The following SMAD3 variants were observed in gnomAD, a reference collection of about 807,000 sequenced individuals.
SMAD3 encodes the protein SMAD family member 3, also known as MAD homolog 3.
SMAD3 carries 12 observed loss-of-function variants against 51.8 expected under a neutral mutation model. The ratio of observed to expected loss-of-function variants is 0.23; its 90% CI spans 0.15 to 0.38. The LOEUF is 0.38. Ranked by LOEUF, SMAD3 falls within the 10% of genes least tolerant of loss-of-function variation. SMAD3 has a pLI of 1.00. For synonymous variants in SMAD3, 238 were observed against 227.7 expected (o/e 1.05, Z -0.41); for missense variants, 294 against 565.6 (o/e 0.52, Z 4.87).
intron 5 of SMAD3, among the ~76,000 whole-genome samples, chr15:67,180,512 G>C (rs1057108858): frequency 2.7e-5 from 4 of 149,120 alleles, no homozygotes; most frequent in African/African-American, 9.9e-5. Context: ...CTTTCAGAAG[G>C]GTTTGTGTCC....
chr15:67,166,459 C>T (rs781680799), intron 3 of SMAD3: 37 of 477,378 alleles, frequency 7.8e-5, no homozygotes, highest in Middle Eastern at 6.1e-4. Flanking sequence ...TGGACGCCTC[C>T]CTGGAGGGGG....
intron 5 of SMAD3, among the ~76,000 whole-genome samples, chr15:67,178,138 G>C (rs1208956950): frequency 2.6e-4 from 39 of 152,196 alleles, no homozygotes; most frequent in Admixed American, 2.4e-3. Context: ...GGGCTGTTTG[G>C]ATAAGGGCTC....
intron 6 of SMAD3, among the ~76,000 whole-genome samples, chr15:67,183,192 GCCA>G (rs1248923023): frequency 2.7e-5 from 4 of 150,746 alleles, no homozygotes; most frequent in African/African-American, 9.8e-5. Flanking sequence ...ACAGGCATGT[GCCA>G]CCACACCTGG....
At chr15:67,133,214 A>G (rs557565107) in intron 1 of SMAD3, among the ~76,000 whole-genome samples, 55 of 152,254 alleles carry the variant, frequency 3.6e-4, no homozygotes, top group African/African-American at 1.2e-3. Flanking sequence ...GGTGAACTCA[A>G]TGACATTGGC....
chr15:67,169,347 T>C (rs1962679902), intron 4 of SMAD3, among the ~76,000 whole-genome samples: 3 of 152,018 alleles, frequency 2.0e-5, no homozygotes, highest in Non-Finnish European at 2.9e-5. Flanking sequence ...AGGTTACAGC[T>C]GAGTTGGGGC....
chr15:67,130,689 A>G (rs981041127), intron 1 of SMAD3, among the ~76,000 whole-genome samples: 10 of 152,348 alleles, frequency 6.6e-5, no homozygotes, highest in Admixed American at 4.6e-4. Context: ...GTATTCAAGG[A>G]AAGTGCCAGG....
intron 1 of SMAD3, among the ~76,000 whole-genome samples, chr15:67,095,019 A>G (rs1434842948): frequency 6.6e-6 from 1 of 152,170 alleles, no homozygotes; most frequent in Non-Finnish European, 1.5e-5. Context: ...CCTGTCTGTT[A>G]GGGTTGTAAG....
chr15:67,145,447 A>G (rs1961950360), intron 1 of SMAD3, among the ~76,000 whole-genome samples: 1 of 152,218 alleles, frequency 6.6e-6, no homozygotes, highest in Non-Finnish European at 1.5e-5. Flanking sequence ...ACAAAAACAA[A>G]AAACAGAAAA....
chr15:67,142,759 C>T (rs1308416285), intron 1 of SMAD3: 1 of 408,098 alleles, frequency 2.5e-6, no homozygotes, highest in African/African-American at 2.1e-5. Context: ...ATATATTGAT[C>T]TCAACATTTC....
At chr15:67,074,624 C>G (rs1016440145) in intron 1 of SMAD3, among the ~76,000 whole-genome samples, 12 of 152,218 alleles carry the variant, frequency 7.9e-5, no homozygotes, top group African/African-American at 2.9e-4. Flanking sequence ...CTCTTGAGTG[C>G]TTTGCCGGTA....
rs1323679769 is a variant in SMAD3 at position 67,184,779 on chromosome 15, C to T, written c.924C>T (p.Leu308=). ...YIGGEVFAEC[L]SDSAIFVQSP... Reference sequence around the variant, plus strand: ...GAGGGGAGGTCTTCGCAGAGTGCCTCAGTGACAGCGCTATTTTTGTCCAGT... The same window carrying T: ...GAGGGGAGGTCTTCGCAGAGTGCCTTAGTGACAGCGCTATTTTTGTCCAGT... The change falls in exon 7 of 9, where the codon CTC becomes CTT. Residue 308 remains leucine (L), a synonymous_variant. Coordinates refer to ENST00000327367, the MANE Select transcript of SMAD3 (RefSeq NM_005902.4). 1 of 1,614,052 alleles carries T rather than the reference C, an allele frequency of 6.2e-7. No homozygotes were observed. The highest frequency in any genetic ancestry group is 1.7e-5 in the Admixed American group (1 of 60,034).
At position 67,066,364 on chromosome 15, in the gene SMAD3, G is replaced by T. The variant is rs1959916973; in HGVS notation, c.206+4G>T. ...CCAAGTGCATCACCATCCCCAGGTGGGGGCCCGCCCGGGGGGGACCCGGGG... is the reference window on the plus strand; with the variant it reads ...CCAAGTGCATCACCATCCCCAGGTGTGGGCCCGCCCGGGGGGGACCCGGGG... On this transcript the variant is annotated splice_donor_region_variant and intron_variant, in intron 1 of 8. Transcript: ENST00000327367. 3 of 1,611,256 alleles carry T rather than the reference G, an allele frequency of 1.9e-6. No individual in the cohort carries two copies. Among genetic ancestry groups the T allele is most frequent in the Admixed American group, 3.3e-5 (2 of 59,910 alleles).
chr15:67,135,038 G>C (rs1452623085), intron 1 of SMAD3, among the ~76,000 whole-genome samples: 2 of 152,176 alleles, frequency 1.3e-5, no homozygotes, highest in Non-Finnish European at 2.9e-5. Flanking sequence ...GTGGAAGCAG[G>C]GGTGTCACTG....
chr15:67,173,914 C>T (rs1216078471), intron 5 of SMAD3, among the ~76,000 whole-genome samples: 3 of 152,162 alleles, frequency 2.0e-5, no homozygotes, highest in South Asian at 2.1e-4. Flanking sequence ...CCCATCGAGG[C>T]TGGACACCCA....
At chr15:67,187,258 G>A (rs1011423123) in intron 7 of SMAD3, 107 bp from the exon 8 acceptor site, 12 of 1,319,392 alleles carry the variant, frequency 9.1e-6, no homozygotes, top group Middle Eastern at 1.8e-4. Flanking sequence ...CCCTGGAGCT[G>A]TATAAATGAG....
intron 7 of SMAD3, among the ~76,000 whole-genome samples, chr15:67,185,745 C>T (rs1183527165): frequency 6.6e-6 from 1 of 152,154 alleles, no homozygotes; most frequent in South Asian, 2.1e-4. Context: ...TCTAAGGCCT[C>T]TTTCCTCAGG....
intron 1 of SMAD3, among the ~76,000 whole-genome samples, chr15:67,116,402 TC>T (rs1350362085): frequency 2.0e-5 from 3 of 152,228 alleles, no homozygotes; most frequent in Admixed American, 6.5e-5. Context: ...CTAAAACTGA[TC>T]ATGTGGCCTC....
At chr15:67,141,734 G>T (rs967714636) in intron 1 of SMAD3, among the ~76,000 whole-genome samples, 4 of 152,094 alleles carry the variant, frequency 2.6e-5, no homozygotes, top group Admixed American at 2.6e-4. Flanking sequence ...TTCATTACCT[G>T]GAAAGTCCGA....
intron 1 of SMAD3, among the ~76,000 whole-genome samples, chr15:67,102,579 T>A (rs1960784754): frequency 6.6e-6 from 1 of 152,216 alleles, no homozygotes; most frequent in South Asian, 2.1e-4. Flanking sequence ...CATACTGGGA[T>A]GACCTGTGTG....
Sources: gnomAD v4.1 joint callset for allele counts (sites outside exome capture counted in the v4.1 genomes callset) on GRCh38, gnomAD v4.1.1 for gene constraint, MANE v1.5 for transcripts, NCBI Gene and HGNC (gene_info 2026-07-23, HGNC 2026-07-21) for gene names.